Variants in LRP1B observed in about 807,000 individuals in gnomAD.
LRP1B encodes LDL receptor related protein 1B.
Under a neutral mutation model 556.6 loss-of-function variants are expected in LRP1B, and 217 were observed. The ratio of observed to expected loss-of-function variants is 0.39; its 90% CI spans 0.35 to 0.44. The LOEUF is 0.44. Among genes scored for constraint, LRP1B ranks in the 20% least tolerant of loss-of-function variants. The probability of loss-of-function intolerance (pLI) is 1.00; values close to 1 mark genes in which losing one functional copy is unlikely to be tolerated. For synonymous variants in LRP1B, 2,047 were observed against 1,865.8 expected (o/e 1.10, Z -2.50); for missense variants, 5,053 against 5,620.8 (o/e 0.90, Z 3.23).
chr2:141,316,473 T>C (rs1687040557), intron 3 of LRP1B, among the ~76,000 whole-genome samples: 1 of 152,186 alleles, frequency 6.6e-6, no homozygotes, highest in South Asian at 2.1e-4. Flanking sequence ...AAATATTGTG[T>C]AAATAAAAGC....
chr2:140,827,018 C>G (rs1176882129), intron 31 of LRP1B, among the ~76,000 whole-genome samples: 1 of 152,062 alleles, frequency 6.6e-6, no homozygotes, highest in South Asian at 2.1e-4. Context: ...AATTCAGGAC[C>G]AGAAGTGTTC....
intron 81 of LRP1B, among the ~76,000 whole-genome samples, chr2:140,322,561 T>TCAGTACAAGGTATTGC (rs1680200878): frequency 6.6e-6 from 1 of 151,920 alleles, no homozygotes. Flanking sequence ...AATGCATATG[T>TCAGTACAAGGTATTGC]AGCTTGTCAG....
intron 25 of LRP1B, among the ~76,000 whole-genome samples, chr2:140,869,796 G>A (rs1693068816): frequency 6.6e-6 from 1 of 152,068 alleles, no homozygotes; most frequent in East Asian, 1.9e-4. Flanking sequence ...GTTCCACTAA[G>A]TGAAAGGGAA....
At position 141,474,520 on chromosome 2, in the gene LRP1B, C is replaced by T. The variant is rs149561080; in HGVS notation, c.343+5876G>A. Among the ~76,000 whole-genome samples, 823 of 152,140 alleles carry T rather than the reference C, an allele frequency of 5.4e-3. 8 individuals carry two copies. The highest frequency in any genetic ancestry group is 0.019 in the African/African-American group (781 of 41,516). On this transcript the variant is annotated intron_variant, in intron 3 of 90. Coordinates refer to ENST00000389484, the MANE Select transcript of LRP1B (RefSeq NM_018557.3). The stretch of plus-strand genomic sequence containing the variant: ...CAGAAGTTATCATCTAAATTAAATA[C>T]ATTAGAATTATTGACAATAGATTAT...
intron 66 of LRP1B, among the ~76,000 whole-genome samples, chr2:140,408,903 T>A (rs1684857408): frequency 6.6e-6 from 1 of 151,934 alleles, no homozygotes; most frequent in Non-Finnish European, 1.5e-5. Context: ...TGAACATATA[T>A]TTAGCAAGAG....
At chr2:141,332,814 CAA>C (rs67444878) in intron 3 of LRP1B, among the ~76,000 whole-genome samples, 1 of 142,408 alleles carries the variant, frequency 7.0e-6, no homozygotes. Flanking sequence ...TTTAAAAATG[CAA>C]AAAAAAAAAG....
intron 2 of LRP1B, among the ~76,000 whole-genome samples, chr2:141,631,133 C>G (rs1245318701): frequency 1.3e-5 from 2 of 152,110 alleles, no homozygotes; most frequent in African/African-American, 4.8e-5. Context: ...CAAACACATC[C>G]TTCTTTACAT....
At chr2:140,703,687 G>A (rs1686727829) in intron 37 of LRP1B, among the ~76,000 whole-genome samples, 1 of 152,088 alleles carries the variant, frequency 6.6e-6, no homozygotes, top group African/African-American at 2.4e-5. Flanking sequence ...TCCCCAAGTA[G>A]TCCACAGTGT....
intron 20 of LRP1B, among the ~76,000 whole-genome samples, chr2:140,947,372 A>G (rs1222332402): frequency 6.6e-6 from 1 of 152,176 alleles, no homozygotes. Flanking sequence ...AAATTGCACC[A>G]TATGCTCTGC....
intron 71 of LRP1B, among the ~76,000 whole-genome samples, chr2:140,367,165 G>A (rs1682799418): frequency 6.6e-6 from 1 of 151,708 alleles, no homozygotes; most frequent in Non-Finnish European, 1.5e-5. Flanking sequence ...AGAAGGTGAA[G>A]TTATTAATTA....
intron 7 of LRP1B, among the ~76,000 whole-genome samples, chr2:141,110,404 G>T (rs1922702): frequency 3.3e-5 from 5 of 151,890 alleles, no homozygotes; most frequent in Non-Finnish European, 5.9e-5. Context: ...CTAGGAGCTT[G>T]TGAATTAAAC....
chr2:140,233,256 C>A lies in LRP1B; in HGVS notation c.13730G>T (p.Gly4577Val). 6.2e-7 allele frequency: 1 copy of A among 1,605,456 alleles called. No homozygotes were observed. The highest frequency in any genetic ancestry group is 8.5e-7 in the Non-Finnish European group (1 of 1,174,220). The change falls in exon 91 of 91, where the codon GGA becomes GTA. Residue 4577 changes from glycine (G) to valine (V), a missense_variant. Physicochemically the swap from Gly to Val is moderately radical, Grantham distance 109. Around this residue, in one of 5 missense-constraint regions of LRP1B, gnomAD observed 551 missense variants for 592.0 expected, o/e 0.93. Transcript: ENST00000389484. Reference protein sequence around the residue: ...MDGQNCRNSLGSVDERKELLP... With the variant: ...MDGQNCRNSLVSVDERKELLP... The stretch of plus-strand genomic sequence containing the variant: ...CAGTTCTTTCCTTTCATCAACACTT[C>A]CTAAGGAGTTTCGACAGTTTTGCCC...
At chr2:141,421,353 C>A (rs1293422261) in intron 3 of LRP1B, among the ~76,000 whole-genome samples, 1 of 151,700 alleles carries the variant, frequency 6.6e-6, no homozygotes, top group Non-Finnish European at 1.5e-5. Context: ...ACGGTGAAAC[C>A]CCGTCTCTAC....
At chr2:141,009,411 C>T (rs2105379259) in intron 14 of LRP1B, among the ~76,000 whole-genome samples, 1 of 151,910 alleles carries the variant, frequency 6.6e-6, no homozygotes, top group Admixed American at 6.6e-5. Flanking sequence ...TTTTCTCTTT[C>T]AGAATCAGAT....
At position 141,043,301 on chromosome 2, in the gene LRP1B, C is replaced by T. The variant is rs77784626; in HGVS notation, c.1789+5685G>A. On this transcript the variant is annotated intron_variant, in intron 11 of 90. Transcript: ENST00000389484. ...AGAAAAGAATCACAGTTGGGAAGAA[C>T]TGTACATATAAATCTTATGTTTGCA... 6.1e-4 allele frequency among the ~76,000 whole-genome samples: 92 copies of T among 151,412 alleles called. 2 individuals are homozygous for T. The highest frequency in any genetic ancestry group is 1.8e-3 in the African/African-American group (74 of 41,438).
At chr2:140,774,722 G>A (rs1689432194) in intron 33 of LRP1B, among the ~76,000 whole-genome samples, 1 of 151,948 alleles carries the variant, frequency 6.6e-6, no homozygotes, top group African/African-American at 2.4e-5. Flanking sequence ...TATTTACTGA[G>A]TACCAGTATT....
chr2:141,403,010 G>A (rs1690501772), intron 3 of LRP1B, among the ~76,000 whole-genome samples: 1 of 151,854 alleles, frequency 6.6e-6, no homozygotes, highest in South Asian at 2.1e-4. Context: ...ACTTTTTCTT[G>A]GTATGAAGAC....
At chr2:141,453,682 C>T (rs1285102109) in intron 3 of LRP1B, among the ~76,000 whole-genome samples, 5 of 152,130 alleles carry the variant, frequency 3.3e-5, no homozygotes, top group African/African-American at 1.2e-4. Context: ...CTTTGGGAAG[C>T]CGAGGCAGGT....
At chr2:140,613,752 C>A (rs1424613313) in intron 41 of LRP1B, among the ~76,000 whole-genome samples, 1 of 152,006 alleles carries the variant, frequency 6.6e-6, no homozygotes, top group Non-Finnish European at 1.5e-5. Context: ...ACCCTAGTCC[C>A]CTTTAATGTG....
Sources: gnomAD v4.1 joint callset for allele counts (sites outside exome capture counted in the v4.1 genomes callset) on GRCh38, gnomAD v4.1.1 for gene constraint, gnomAD v4.1.1 regional missense constraint, MANE v1.5 for transcripts, NCBI Gene and HGNC (gene_info 2026-07-23, HGNC 2026-07-21) for gene names.